The following ADAMTSL3 variants were observed in gnomAD, a reference collection of about 807,000 sequenced individuals.
ADAMTSL3 encodes ADAMTS-like protein 3.
A neutral mutation model predicts 201.7 loss-of-function variants in ADAMTSL3; 128 were observed. That is an observed-to-expected ratio of 0.63 (90% confidence interval 0.55 to 0.73). The LOEUF is 0.73. ADAMTSL3 is among the 30% of genes least tolerant of loss of function. The probability of loss-of-function intolerance (pLI) is 0.00; values close to 1 mark genes in which losing one functional copy is unlikely to be tolerated. For missense variants in ADAMTSL3, 1,990 were observed against 2,119.6 expected (o/e 0.94, Z 1.20); for synonymous variants, 738 against 748.4 (o/e 0.99, Z 0.23).
At position 83,858,780 on chromosome 15, in the gene ADAMTSL3, A is replaced by AT. The variant is rs1216755051; in HGVS notation, c.744dup (p.Ala249CysfsTer22). On this transcript the variant is annotated frameshift_variant, in exon 8 of 30. Coordinates refer to ENST00000286744, the MANE Select transcript of ADAMTSL3 (RefSeq NM_207517.3). LOFTEE classifies it high-confidence loss of function. Reference sequence around the variant, plus strand: ...TTCTTTCCCAGGAGAAGAAAATGTAATTGCTGTTCCTTTGGGAAGTCGAAG... The same window carrying AT: ...TTCTTTCCCAGGAGAAGAAAATGTAATTTGCTGTTCCTTTGGGAAGTCGAAG... 1 of 1,613,808 alleles carries AT rather than the reference A, an allele frequency of 6.2e-7. No homozygotes were observed. The highest frequency in any genetic ancestry group is 8.5e-7 in the Non-Finnish European group (1 of 1,179,818).
chr15:83,956,472 G>A (rs1211896040), intron 19 of ADAMTSL3, among the ~76,000 whole-genome samples: 2 of 152,206 alleles, frequency 1.3e-5, no homozygotes, highest in African/African-American at 4.8e-5. Flanking sequence ...AGTGGGAGTA[G>A]GGGGATGATC....
At chr15:83,838,495 ATTTCT>A (rs1253613471) in intron 7 of ADAMTSL3, among the ~76,000 whole-genome samples, 3 of 152,226 alleles carry the variant, frequency 2.0e-5, no homozygotes, top group Non-Finnish European at 4.4e-5. Flanking sequence ...TGAAATAGTA[ATTTCT>A]TTTATTTGTC....
intron 19 of ADAMTSL3, among the ~76,000 whole-genome samples, chr15:83,948,568 A>G (rs1016875843): frequency 6.6e-6 from 1 of 152,232 alleles, no homozygotes. Context: ...CTTCCTTAAG[A>G]CATTTTTTAT....
At chr15:83,964,844 C>G (rs1168575480) in intron 19 of ADAMTSL3, among the ~76,000 whole-genome samples, 1 of 152,138 alleles carries the variant, frequency 6.6e-6, no homozygotes, top group Non-Finnish European at 1.5e-5. Flanking sequence ...ACCCTACAAG[C>G]CAGAATAGAA....
At chr15:83,717,939 C>T (rs2062042448) in intron 3 of ADAMTSL3, among the ~76,000 whole-genome samples, 2 of 152,238 alleles carry the variant, frequency 1.3e-5, no homozygotes, top group South Asian at 4.1e-4. Flanking sequence ...ATGAACAATA[C>T]AAATGTGATC....
At chr15:83,788,436 C>G (rs994531009) in intron 4 of ADAMTSL3, among the ~76,000 whole-genome samples, 1 of 152,142 alleles carries the variant, frequency 6.6e-6, no homozygotes, top group African/African-American at 2.4e-5. Flanking sequence ...AAGCTTCCTG[C>G]TTATCTGAAA....
chr15:83,785,405 C>T (rs1177781422), intron 4 of ADAMTSL3, among the ~76,000 whole-genome samples: 2 of 152,186 alleles, frequency 1.3e-5, no homozygotes, highest in Non-Finnish European at 2.9e-5. Flanking sequence ...TAAGATACAA[C>T]CTTTTCCTTT....
intron 23 of ADAMTSL3, among the ~76,000 whole-genome samples, chr15:84,012,735 A>G (rs1180547480): frequency 4.6e-5 from 7 of 152,224 alleles, no homozygotes; most frequent in South Asian, 4.1e-4. Context: ...TCTTGGGGCA[A>G]TGTCTTTAGA....
intron 4 of ADAMTSL3, among the ~76,000 whole-genome samples, chr15:83,801,682 ATATATATATATATG>A (rs1256887584): frequency 3.0e-5 from 2 of 66,336 alleles, no homozygotes; most frequent in Non-Finnish European, 6.7e-5. Context: ...ATATATATAT[ATATATATATATATG>A]TATGTATGAG....
intron 3 of ADAMTSL3, among the ~76,000 whole-genome samples, chr15:83,731,932 AGAG>A (rs761251576): frequency 5.5e-4 from 84 of 152,104 alleles, no homozygotes; most frequent in African/African-American, 1.6e-3. Flanking sequence ...CCTGGAATGG[AGAG>A]GAGATGTTGG....
intron 4 of ADAMTSL3, among the ~76,000 whole-genome samples, chr15:83,785,686 A>G (rs1051721066): frequency 6.6e-6 from 1 of 152,062 alleles, no homozygotes; most frequent in African/African-American, 2.4e-5. Flanking sequence ...CTTCTATTAT[A>G]TTATTCACTG....
intron 3 of ADAMTSL3, among the ~76,000 whole-genome samples, chr15:83,757,265 A>G (rs904643530): frequency 6.6e-6 from 1 of 152,248 alleles, no homozygotes; most frequent in South Asian, 2.1e-4. Context: ...ATGGACATCC[A>G]GGTATTTCCA....
At chr15:83,758,845 C>T (rs916734504) in intron 3 of ADAMTSL3, among the ~76,000 whole-genome samples, 3 of 152,048 alleles carry the variant, frequency 2.0e-5, no homozygotes, top group African/African-American at 7.2e-5. Flanking sequence ...ATATTTTTCC[C>T]ATTCTGTGGA....
chr15:83,894,160 G>A (rs1204727559), intron 13 of ADAMTSL3, among the ~76,000 whole-genome samples: 4 of 152,138 alleles, frequency 2.6e-5, no homozygotes, highest in Non-Finnish European at 2.9e-5. Flanking sequence ...AAGGTGTCAG[G>A]AAAGCTTCAG....
intron 19 of ADAMTSL3, chr15:83,961,737 CAAGATG>C (rs1264528132): frequency 6.6e-6 from 1 of 151,964 alleles, no homozygotes; most frequent in Non-Finnish European, 1.5e-5. Context: ...GCTGTAGGGC[CAAGATG>C]AGATACAGAG....
chr15:83,820,988 C>T (rs969823739), intron 6 of ADAMTSL3, among the ~76,000 whole-genome samples: 4 of 151,938 alleles, frequency 2.6e-5, no homozygotes, highest in African/African-American at 9.7e-5. Flanking sequence ...GCGGGAGAAT[C>T]ACTTGAACCC....
chr15:83,787,230 C>T lies in ADAMTSL3; in HGVS notation c.317+13580C>T, dbSNP rs533169510. Among the ~76,000 whole-genome samples, 15 of 152,156 alleles carry T rather than the reference C, an allele frequency of 9.9e-5. No individual in the cohort carries two copies. The East Asian group carries it at 1.5e-3, about 16-fold the overall frequency. ...AATACCGTTGTGAGAGTGTTTATTC[C>T]GCTGTATTGTTTTATTTTTCTGTTT... On this transcript the variant is annotated intron_variant, in intron 4 of 29. Transcript: ENST00000286744.
chr15:83,838,139 T>C lies in ADAMTSL3; in HGVS notation c.651T>C (p.Cys217=), dbSNP rs1567179929. 3.1e-6 allele frequency: 5 copies of C among 1,613,254 alleles called. No individual in the cohort carries two copies. Among genetic ancestry groups the C allele is most frequent in the Non-Finnish European group, 3.4e-6 (4 of 1,179,758 alleles). ...GAAGCAATGCCAAGGAGGACAACTG[T>C]GGAGTCTGTGCCGGCGATGGCTCCA... ...QLGSNAKEDN[C]GVCAGDGSTC... Residue 217 remains cysteine (C), a synonymous_variant, in exon 7 of 30, where the codon TGT becomes TGC. Coordinates refer to ENST00000286744, the MANE Select transcript of ADAMTSL3 (RefSeq NM_207517.3).
chr15:83,717,918 A>C lies in ADAMTSL3; in HGVS notation c.189+13410A>C, dbSNP rs76872737. 7.5e-4 allele frequency among the ~76,000 whole-genome samples: 114 copies of C among 152,334 alleles called. 1 individual carries two copies. The East Asian group carries it at 0.022, about 29-fold the overall frequency. Reference sequence around the variant, plus strand: ...ATGAGACTGCTGTGTGGGTGATGTGAGACAAAGCAAATGAACAATACAAAT... The same window carrying C: ...ATGAGACTGCTGTGTGGGTGATGTGCGACAAAGCAAATGAACAATACAAAT... On this transcript the variant is annotated intron_variant, in intron 3 of 29. Coordinates refer to ENST00000286744, the MANE Select transcript of ADAMTSL3 (RefSeq NM_207517.3).
Sources: allele counts gnomAD v4.1 joint callset (sites outside exome capture counted in the v4.1 genomes callset), GRCh38; gene constraint gnomAD v4.1.1; transcripts MANE v1.5; gene names NCBI Gene and HGNC (gene_info 2026-07-23, HGNC 2026-07-21).